The following ADAM10 variants were observed in gnomAD, a reference collection of about 807,000 sequenced individuals.
The protein encoded by ADAM10 is disintegrin and metalloproteinase domain-containing protein 10.
A neutral mutation model predicts 90.1 loss-of-function variants in ADAM10; 17 were observed. The ratio of observed to expected loss-of-function variants is 0.19; its 90% CI spans 0.13 to 0.28. ADAM10 has a LOEUF of 0.28. ADAM10 is among the 10% of genes least tolerant of loss of function. The pLI is 1.00. For synonymous variants in ADAM10, 310 were observed against 298.6 expected (o/e 1.04, Z -0.40); for missense variants, 610 against 914.3 (o/e 0.67, Z 4.29).
At chr15:58,698,999 C>A (rs1452464723) in intron 2 of ADAM10, among the ~76,000 whole-genome samples, 5 of 152,122 alleles carry the variant, frequency 3.3e-5, no homozygotes, top group Non-Finnish European at 7.4e-5. Flanking sequence ...ACATTATAGT[C>A]AAACTGTGAA....
In ADAM10 at chr15:58,665,171, C is replaced by A; in HGVS notation, c.511G>T (p.Gly171Trp). ...INYPHKYGPQ[G>W]GCADHSVFER... ...AATACTGAATGATCTGCACAGCCCC[C>A]CTGAGGACCGTATTTATGGGGATAG... is the stretch of plus-strand genomic sequence containing the variant. Residue 171 changes from glycine (G) to tryptophan (W), a missense_variant, in exon 5 of 16, where the codon GGG becomes TGG. Around this residue, in one of 4 missense-constraint regions of ADAM10, gnomAD observed 310 missense variants for 362.4 expected, o/e 0.86. Transcript: ENST00000260408. 1 of 1,613,062 alleles carries A rather than the reference C, an allele frequency of 6.2e-7. No individual in the cohort carries two copies. The highest frequency in any genetic ancestry group is 8.5e-7 in the Non-Finnish European group (1 of 1,179,152).
chr15:58,715,211 C>G (rs1381529484), intron 2 of ADAM10, among the ~76,000 whole-genome samples: 3 of 152,024 alleles, frequency 2.0e-5, no homozygotes, highest in Non-Finnish European at 2.9e-5. Flanking sequence ...CACTTGAAAT[C>G]AGGAGTTCGA....
chr15:58,738,878 G>T (rs1348242452), intron 1 of ADAM10, among the ~76,000 whole-genome samples: 19 of 152,038 alleles, frequency 1.2e-4, no homozygotes, highest in Admixed American at 1.2e-3. Context: ...TAAGACACAA[G>T]TACAGACAGT....
intron 2 of ADAM10, among the ~76,000 whole-genome samples, chr15:58,702,190 A>G (rs1898155007): frequency 6.6e-6 from 1 of 152,202 alleles, no homozygotes; most frequent in East Asian, 1.9e-4. Context: ...GAACTAAGCC[A>G]AGCACAAAAA....
At chr15:58,627,668 T>C (rs769300357) in intron 10 of ADAM10, 32 bp downstream of exon 10, 5 of 1,589,386 alleles carry the variant, frequency 3.1e-6, no homozygotes, top group East Asian at 4.5e-5. Context: ...TTTGAAAATG[T>C]TCATAACAAA....
rs118027050 is a variant in ADAM10 at position 58,664,218 on chromosome 15, G to C, written c.585+879C>G. On this transcript the variant is annotated intron_variant, in intron 5 of 15. Transcript: ENST00000260408. ...TTCAAATACTTATAAGGCTAGATTA[G>C]CTATTCCTCTTGTGTGTAGAATATC... Among the ~76,000 whole-genome samples the C allele has an allele frequency of 1.1e-3, 172 of 152,016 alleles. 3 individuals carry two copies. The East Asian group carries it at 0.03, about 27-fold the overall frequency.
intron 5 of ADAM10, among the ~76,000 whole-genome samples, chr15:58,660,174 A>G (rs1238781429): frequency 1.3e-5 from 2 of 151,660 alleles, no homozygotes; most frequent in East Asian, 1.9e-4. Context: ...ACAATTAGCT[A>G]TTTTCTTTTC....
chr15:58,646,510 A>G (rs188192123), intron 5 of ADAM10, among the ~76,000 whole-genome samples: 1 of 152,220 alleles, frequency 6.6e-6, no homozygotes, highest in East Asian at 1.9e-4. Flanking sequence ...TCTCTACCTC[A>G]CATCTAATAC....
intron 3 of ADAM10, among the ~76,000 whole-genome samples, chr15:58,679,779 A>G (rs1468884845): frequency 1.3e-5 from 2 of 152,218 alleles, no homozygotes; most frequent in South Asian, 2.1e-4. Context: ...CTGGTGGCAC[A>G]TGTCTGTAAG....
chr15:58,664,439 G>C (rs1897033246), intron 5 of ADAM10, among the ~76,000 whole-genome samples: 2 of 152,002 alleles, frequency 1.3e-5, no homozygotes, highest in African/African-American at 4.8e-5. Flanking sequence ...ACACTAGAAA[G>C]ACCCACCTGA....
chr15:58,635,995 G>C (rs1387411314), intron 8 of ADAM10, among the ~76,000 whole-genome samples: 1 of 152,100 alleles, frequency 6.6e-6, no homozygotes, highest in Non-Finnish European at 1.5e-5. Flanking sequence ...AGTTTAAAAT[G>C]GCCGGGCGCA....
At chr15:58,628,312 C>A (rs1896004732) in intron 9 of ADAM10, among the ~76,000 whole-genome samples, 1 of 152,078 alleles carries the variant, frequency 6.6e-6, no homozygotes, top group Admixed American at 6.6e-5. Context: ...AATCAAGAGA[C>A]TGACATGGGG....
chr15:58,693,835 T>C (rs1321443659), intron 2 of ADAM10, among the ~76,000 whole-genome samples: 1 of 148,562 alleles, frequency 6.7e-6, no homozygotes, highest in Non-Finnish European at 1.5e-5. Flanking sequence ...AAAGAACTTA[T>C]ATTCGGAATA....
Position 58,594,510 on chromosome 15 carries a change from C to T in ADAM10, c.*3037G>A, listed in dbSNP as rs11071391. 6.6e-6 allele frequency: 1 copy of T among 152,064 alleles called. No individual in the cohort carries two copies. The highest frequency in any genetic ancestry group is 1.5e-5 in the Non-Finnish European group (1 of 68,014). 9.4% of individuals were successfully genotyped at this position (152,064 alleles called of 1,614,324 possible). On this transcript the variant is annotated 3_prime_UTR_variant, in exon 16 of 16. Coordinates refer to ENST00000260408, the MANE Select transcript of ADAM10 (RefSeq NM_001110.4). ...CCCAAAGCATAAAGTGTTGAAGACA[C>T]CTCACAAAACAAGACTGATCAGAGA... is the stretch of plus-strand genomic sequence containing the variant.
chr15:58,661,002 C>T (rs866374179), intron 5 of ADAM10, among the ~76,000 whole-genome samples: 27 of 152,250 alleles, frequency 1.8e-4, no homozygotes, highest in Admixed American at 1.8e-3. Flanking sequence ...CCCGGCTCTA[C>T]GGTTTACAAT....
At chr15:58,701,093 C>A (rs986010931) in intron 2 of ADAM10, among the ~76,000 whole-genome samples, 2 of 144,078 alleles carry the variant, frequency 1.4e-5, no homozygotes, top group African/African-American at 2.5e-5. Context: ...TAAACAAAAC[C>A]AAGTTTTTTT....
chr15:58,694,828 T>A (rs1217473024), intron 2 of ADAM10, among the ~76,000 whole-genome samples: 5 of 151,852 alleles, frequency 3.3e-5, no homozygotes, highest in African/African-American at 1.2e-4. Flanking sequence ...CATTGATATG[T>A]AATTCTGGAA....
At chr15:58,699,391 AAAG>A (rs1898067803) in intron 2 of ADAM10, among the ~76,000 whole-genome samples, 1 of 152,212 alleles carries the variant, frequency 6.6e-6, no homozygotes, top group Non-Finnish European at 1.5e-5. Flanking sequence ...CAAATGAGAA[AAAG>A]AAGTCAAATG....
chr15:58,658,531 T>C (rs1896887104), intron 5 of ADAM10, among the ~76,000 whole-genome samples: 1 of 152,220 alleles, frequency 6.6e-6, no homozygotes. Flanking sequence ...AACTACTAGA[T>C]AAATGTCCAC....
Sources: allele counts gnomAD v4.1 joint callset (sites outside exome capture counted in the v4.1 genomes callset), GRCh38; gene constraint gnomAD v4.1.1; regional missense constraint gnomAD v4.1.1; transcripts MANE v1.5; gene names NCBI Gene and HGNC (gene_info 2026-07-23, HGNC 2026-07-21).